The following MKLN1 variants were observed in gnomAD, a reference collection of about 807,000 sequenced individuals.
The protein encoded by MKLN1 is muskelin 1.
In MKLN1, 18 loss-of-function variants were observed where a neutral mutation model predicts 99.0. The ratio of observed to expected loss-of-function variants is 0.18; its 90% CI spans 0.13 to 0.27. The LOEUF is 0.27. MKLN1 is among the 10% of genes least tolerant of loss of function. The pLI, the probability that MKLN1 is intolerant of heterozygous loss-of-function variation, is 1.00. For synonymous variants in MKLN1, 288 were observed against 293.2 expected, an observed-to-expected ratio of 0.98 and a Z score of 0.18; for missense variants, 621 against 875.9, an observed-to-expected ratio of 0.71 and a Z score of 3.67.
chr7:131,395,641 T>C (rs1794339169), intron 4 of MKLN1, among the ~76,000 whole-genome samples: 1 of 151,776 alleles, frequency 6.6e-6, no homozygotes, highest in South Asian at 2.1e-4. Context: ...GCAATGTTGC[T>C]ATTATTAAAA....
At chr7:131,153,671 T>TTTG (rs1795924085) in intron 2 of MKLN1, among the ~76,000 whole-genome samples, 1 of 148,240 alleles carries the variant, frequency 6.7e-6, no homozygotes, top group Admixed American at 6.7e-5. Context: ...TTGGTTTTTT[T>TTTG]TTTTTTTTTG....
At chr7:131,388,824 G>T in intron 3 of MKLN1, 60 bp from the exon 4 acceptor site, 1 of 1,082,780 alleles carries the variant, frequency 9.2e-7, no homozygotes, top group South Asian at 1.4e-5. Flanking sequence ...ATTAATTCGT[G>T]TTCTAGTGCA....
chr7:131,224,797 GGC>G (rs1797116708), intron 3 of MKLN1, among the ~76,000 whole-genome samples: 1 of 151,982 alleles, frequency 6.6e-6, no homozygotes, highest in Non-Finnish European at 1.5e-5. Flanking sequence ...GATTTGGCTG[GGC>G]GCAGTGGCTC....
chr7:131,446,263 G>T (rs1174094708), intron 12 of MKLN1, among the ~76,000 whole-genome samples: 1 of 152,104 alleles, frequency 6.6e-6, no homozygotes, highest in Non-Finnish European at 1.5e-5. Flanking sequence ...AGCATAGTAG[G>T]GTGTGTGTCT....
chr7:131,438,983 A>G (rs1261096901), intron 10 of MKLN1, among the ~76,000 whole-genome samples: 1 of 152,118 alleles, frequency 6.6e-6, no homozygotes, highest in East Asian at 1.9e-4. Flanking sequence ...GGAGAATGGT[A>G]AGGAGAGGAA....
chr7:131,473,686 G>A (rs1796890164), intron 16 of MKLN1, among the ~76,000 whole-genome samples: 1 of 152,130 alleles, frequency 6.6e-6, no homozygotes, highest in Admixed American at 6.5e-5. Flanking sequence ...CAGAGTGCTG[G>A]TGTCATTCAT....
intron 2 of MKLN1, among the ~76,000 whole-genome samples, chr7:131,383,945 A>T (rs943343561): frequency 1.3e-5 from 2 of 152,182 alleles, no homozygotes; most frequent in Non-Finnish European, 2.9e-5. Context: ...CATTGTGTGC[A>T]TATGTGTGTG....
At chr7:131,248,554 G>T (rs1286146613) in intron 3 of MKLN1, among the ~76,000 whole-genome samples, 1 of 152,164 alleles carries the variant, frequency 6.6e-6, no homozygotes, top group African/African-American at 2.4e-5. Context: ...TACTGTAGGG[G>T]GTAGAAGTGA....
At chr7:131,120,685 A>C (rs1484822347) in intron 1 of MKLN1, among the ~76,000 whole-genome samples, 2 of 152,240 alleles carry the variant, frequency 1.3e-5, no homozygotes, top group African/African-American at 2.4e-5. Flanking sequence ...AAGCATAGCA[A>C]GAGTGACCTT....
intron 2 of MKLN1, among the ~76,000 whole-genome samples, chr7:131,159,351 C>T (rs541065116): frequency 3.0e-4 from 46 of 152,184 alleles, no homozygotes; most frequent in Non-Finnish European, 5.3e-4. Context: ...CACACACACA[C>T]ACAGACACAC....
chr7:131,248,835 G>A (rs576481055), intron 3 of MKLN1, among the ~76,000 whole-genome samples: 1 of 152,120 alleles, frequency 6.6e-6, no homozygotes, highest in African/African-American at 2.4e-5. Context: ...TCTGCTGAGA[G>A]GTCTCTCTTG....
At chr7:131,322,385 A>C (rs964477692) in intron 3 of MKLN1, among the ~76,000 whole-genome samples, 14 of 152,152 alleles carry the variant, frequency 9.2e-5, no homozygotes, top group Non-Finnish European at 1.6e-4. Flanking sequence ...TGCTATAAAG[A>C]ACTACCTGAG....
chr7:131,218,791 C>A lies in MKLN1; in HGVS notation c.-179+15817C>A, dbSNP rs10240688. ...CTCTCTGACCTTCCAACCTTCCCCCCGACCCCCGACCTCTACCAAAGAAAT... is the reference window on the plus strand; with the variant it reads ...CTCTCTGACCTTCCAACCTTCCCCCAGACCCCCGACCTCTACCAAAGAAAT... On this transcript the variant is annotated intron_variant, in intron 3 of 7. Transcript: ENST00000416992. Among the ~76,000 whole-genome samples, 284 of 152,268 alleles carry A rather than the reference C, an allele frequency of 1.9e-3. 2 individuals are homozygous for A. Among genetic ancestry groups the A allele is most frequent in the African/African-American group, 6.5e-3 (271 of 41,552 alleles).
intron 9 of MKLN1, among the ~76,000 whole-genome samples, chr7:131,430,230 G>T (rs540774738): frequency 3.7e-4 from 56 of 152,024 alleles, no homozygotes; most frequent in Non-Finnish European, 5.6e-4. Context: ...CTAGTGCTGT[G>T]TCGTTAATCC....
At chr7:131,240,446 C>T (rs1370020775) in intron 3 of MKLN1, among the ~76,000 whole-genome samples, 1 of 151,690 alleles carries the variant, frequency 6.6e-6, no homozygotes, top group Non-Finnish European at 1.5e-5. Flanking sequence ...ATCTCAATAA[C>T]TATCATGCAA....
At chr7:131,240,055 C>A (rs953523754) in intron 3 of MKLN1, among the ~76,000 whole-genome samples, 8 of 152,026 alleles carry the variant, frequency 5.3e-5, no homozygotes, top group African/African-American at 1.9e-4. Flanking sequence ...ATGGTGCGTG[C>A]TTTTAGTCCC....
intron 12 of MKLN1, among the ~76,000 whole-genome samples, chr7:131,454,143 C>T (rs187003651): frequency 4.0e-5 from 6 of 151,068 alleles, no homozygotes; most frequent in Non-Finnish European, 5.9e-5. Context: ...TTTTACTCCA[C>T]GAACTTTTCC....
chr7:131,288,391 C>G (rs190816445), intron 3 of MKLN1, among the ~76,000 whole-genome samples: 1 of 152,124 alleles, frequency 6.6e-6, no homozygotes, highest in Non-Finnish European at 1.5e-5. Flanking sequence ...CCTCAGTATC[C>G]GCTTAAGTTC....
rs531311905 is a variant in MKLN1 at position 131,142,502 on chromosome 7, G to A, written c.-418-318G>A. On this transcript the variant is annotated intron_variant, in intron 1 of 7. Transcript: ENST00000416992. ...TGTAATCCCAGCACTTTGGGAGGCC[G>A]AGACGGGCGGATCACAAGGTCAGGA... Among the ~76,000 whole-genome samples the A allele has an allele frequency of 2.6e-5, 4 of 152,064 alleles. 1 individual carries two copies. Among genetic ancestry groups the A allele is most frequent in the South Asian group, 2.1e-4 (1 of 4,814 alleles).
Sources: gnomAD v4.1 joint callset for allele counts (sites outside exome capture counted in the v4.1 genomes callset) on GRCh38, gnomAD v4.1.1 for gene constraint, MANE v1.5 for transcripts, NCBI Gene and HGNC (gene_info 2026-07-23, HGNC 2026-07-21) for gene names.